The following THOC1 variants were observed in gnomAD, a reference collection of about 807,000 sequenced individuals.
THOC1 encodes the protein THO complex subunit 1.
A neutral mutation model predicts 97.3 loss-of-function variants in THOC1; 29 were observed. The observed-to-expected ratio is 0.30, with a 90% CI of 0.22 to 0.41. The LOEUF is 0.41. Ranked by LOEUF, THOC1 falls within the 10% of genes least tolerant of loss-of-function variation. The probability of loss-of-function intolerance (pLI) is 1.00; values close to 1 mark genes in which losing one functional copy is unlikely to be tolerated. For missense variants in THOC1, 529 were observed against 761.9 expected (o/e 0.69, Z 3.60); for synonymous variants, 255 against 257.0 (o/e 0.99, Z 0.07).
chr18:262,897 T>C (rs1045705148), intron 4 of THOC1, among the ~76,000 whole-genome samples: 6 of 152,248 alleles, frequency 3.9e-5, no homozygotes, highest in Non-Finnish European at 7.3e-5. Flanking sequence ...AGAAGAATGC[T>C]GATAAACTAA....
intron 12 of THOC1, chr18:225,937 C>T (rs1471767944): frequency 6.6e-6 from 1 of 152,642 alleles, no homozygotes; most frequent in East Asian, 1.9e-4. Context: ...ATACATTATT[C>T]ATTGAATTCT....
At chr18:220,803 T>TTGATCTTCTCTTTTGATTTTG (rs1452761354) in intron 17 of THOC1, among the ~76,000 whole-genome samples, 1 of 152,228 alleles carries the variant, frequency 6.6e-6, no homozygotes, top group Admixed American at 6.5e-5. Flanking sequence ...TTTGTTTTTA[T>TTGATCTTCTCTTTTGATTTTG]TGATCTTCTC....
intron 9 of THOC1, among the ~76,000 whole-genome samples, chr18:248,208 G>A (rs977032198): frequency 1.3e-5 from 2 of 152,200 alleles, no homozygotes; most frequent in Admixed American, 6.5e-5. Context: ...CAGAATTAAA[G>A]ATTATGTTTC....
At position 268,033 on chromosome 18, in the gene THOC1, C is replaced by G. The variant is rs779135223; in HGVS notation, c.-14G>C. On this transcript the variant is annotated 5_prime_UTR_variant, in exon 1 of 21. Transcript: ENST00000261600. ...CGTCGGAGACATCTTCTCGGCTGCG[C>G]GTGCCCGCCACTGCGCTGCGGCGCC... 3.2e-6 allele frequency: 5 copies of G among 1,564,706 alleles called. No homozygotes were observed. Among genetic ancestry groups the G allele is most frequent in the Non-Finnish European group, 4.3e-6 (5 of 1,155,188 alleles).
chr18:261,364 T>C (rs924123646), intron 4 of THOC1, among the ~76,000 whole-genome samples: 1 of 152,188 alleles, frequency 6.6e-6, no homozygotes, highest in Non-Finnish European at 1.5e-5. Flanking sequence ...AGTGCATTAA[T>C]ATACTATGTC....
rs1215933091 is a variant in THOC1 at position 261,473 on chromosome 18, T to C, written c.257-1169A>G. On this transcript the variant is annotated intron_variant, in intron 4 of 20. Coordinates refer to ENST00000261600, the MANE Select transcript of THOC1 (RefSeq NM_005131.3). ...TATTGCCTAGAAGCAGTGGGTGAAA[T>C]AAAACAGCAGATTTCAACTCAATAC... Among the ~76,000 whole-genome samples, 4 of 152,018 alleles carry C rather than the reference T, an allele frequency of 2.6e-5. No homozygotes were observed. In the East Asian group the frequency reaches 7.7e-4, roughly 29 times the overall value.
chr18:249,247 C>A (rs1912197352), intron 9 of THOC1, among the ~76,000 whole-genome samples: 1 of 152,160 alleles, frequency 6.6e-6, no homozygotes, highest in African/African-American at 2.4e-5. Flanking sequence ...AAACTTTTCC[C>A]TAGTAACAAC....
intron 9 of THOC1, among the ~76,000 whole-genome samples, chr18:249,525 T>G (rs565484838): frequency 3.0e-4 from 45 of 151,824 alleles, no homozygotes; most frequent in African/African-American, 7.2e-4. Context: ...ACCCAGGCAT[T>G]GTGGTGCGTG....
At position 224,077 on chromosome 18, in the gene THOC1, C is replaced by G. The variant is rs1911186266; in HGVS notation, c.1304+7G>C. 6.3e-7 allele frequency: 1 copy of G among 1,578,106 alleles called. No individual in the cohort carries two copies. The highest frequency in any genetic ancestry group is 2.3e-5 in the East Asian group (1 of 44,432). On this transcript the variant is annotated splice_region_variant and intron_variant, in intron 16 of 20. Coordinates refer to ENST00000261600, the MANE Select transcript of THOC1 (RefSeq NM_005131.3). ...AGAACATCCCACATGAAGACAAATT[C>G]ACCTACTTTCCCATCAGAATTTTTT...
intron 7 of THOC1, among the ~76,000 whole-genome samples, chr18:255,604 G>A (rs1458404843): frequency 6.6e-6 from 1 of 152,240 alleles, no homozygotes; most frequent in African/African-American, 2.4e-5. Flanking sequence ...AGTGCAAGGT[G>A]AAGCAGCAAC....
intron 11 of THOC1, chr18:245,483 T>G (rs1277676549): frequency 6.6e-6 from 1 of 152,260 alleles, no homozygotes; most frequent in African/African-American, 2.4e-5. Context: ...CAAAGCTGTC[T>G]TTGTTATCCC....
Position 242,636 on chromosome 18 carries a change from C to T in THOC1, c.918+3688G>A, listed in dbSNP as rs1911948238. Among the ~76,000 whole-genome samples, 1 of 152,144 alleles carries T rather than the reference C, an allele frequency of 6.6e-6. No homozygotes were observed. Among genetic ancestry groups the T allele is most frequent in the African/African-American group, 2.4e-5 (1 of 41,412 alleles). ...ACAAGCACTTTTCTAAACCTGCTCA[C>T]CAGTGAAATGATAGGCTAAAGAGTT... is the stretch of plus-strand genomic sequence containing the variant. On this transcript the variant is annotated intron_variant, in intron 11 of 20. Coordinates refer to ENST00000261600, the MANE Select transcript of THOC1 (RefSeq NM_005131.3). This position sits in a 1 kb window ranked among gnomAD's most constrained non-coding sequence, Gnocchi z 4.5.
chr18:253,869 ATT>A (rs1912355108), intron 8 of THOC1, among the ~76,000 whole-genome samples: 1 of 149,818 alleles, frequency 6.7e-6, no homozygotes, highest in Non-Finnish European at 1.5e-5. Context: ...AAGTTTTTAA[ATT>A]TTTGATGACT....
Position 223,514 on chromosome 18 carries a change from T to C in THOC1, c.1305-9A>G, listed in dbSNP as rs188154103. 5.2e-4 allele frequency: 806 copies of C among 1,552,378 alleles called. 3 individuals are homozygous for C. In the African/African-American group the frequency reaches 6.6e-3, roughly 13 times the overall value. The stretch of plus-strand genomic sequence containing the variant: ...GCCTTGTTAACTCCTCACTACAAAA[T>C]AGACACAGAAATAAATACATTTTTT... On this transcript the variant is annotated splice_polypyrimidine_tract_variant and intron_variant, in intron 16 of 20. Coordinates refer to ENST00000261600, the MANE Select transcript of THOC1 (RefSeq NM_005131.3).
chr18:245,722 CT>C (rs1912066508), intron 11 of THOC1: 1 of 152,644 alleles, frequency 6.6e-6, no homozygotes, highest in South Asian at 2.1e-4. Flanking sequence ...CAGGCCCAGG[CT>C]GCAGTTTTGC....
At position 260,471 on chromosome 18, in the gene THOC1, A is replaced by T. The variant is rs1912570017; in HGVS notation, c.257-167T>A. The T allele has an allele frequency of 6.5e-6, 3 of 463,538 alleles. No individual in the cohort carries two copies. In the South Asian group the frequency reaches 1.5e-4, roughly 23 times the overall value. 28.7% of individuals were successfully genotyped at this position (463,538 alleles called of 1,614,324 possible). A position where few individuals can be genotyped will look rare whatever the true frequency, so the allele number is the denominator to read the frequency against. The stretch of plus-strand genomic sequence containing the variant: ...ACCTAAAAGTCCCCAAATAGGACAT[A>T]CTTAAGTAATTTTTGATATGTGCAC... On this transcript the variant is annotated intron_variant, in intron 4 of 20. Transcript: ENST00000261600.
At chr18:224,734 T>C (rs1052595636) in intron 15 of THOC1, among the ~76,000 whole-genome samples, 190 bp downstream of exon 15, 3 of 152,158 alleles carry the variant, frequency 2.0e-5, no homozygotes, top group African/African-American at 7.2e-5. Flanking sequence ...GACAAGAAAT[T>C]TATGAGGTTT....
At chr18:247,421 T>G (rs917614225) in intron 10 of THOC1, among the ~76,000 whole-genome samples, 2 of 152,226 alleles carry the variant, frequency 1.3e-5, no homozygotes, top group Admixed American at 1.3e-4. Context: ...TGTGCCATTA[T>G]AGTGCAAAAA....
chr18:215,198 A>G (rs1343304800), intron 20 of THOC1, among the ~76,000 whole-genome samples: 1 of 152,156 alleles, frequency 6.6e-6, no homozygotes, highest in African/African-American at 2.4e-5. Context: ...GTCGCCTTCA[A>G]ATGTATTTTC....
Sources: allele counts gnomAD v4.1 joint callset (sites outside exome capture counted in the v4.1 genomes callset), GRCh38; gene constraint gnomAD v4.1.1; non-coding constraint Gnocchi (gnomAD v3.1); transcripts MANE v1.5; gene names NCBI Gene and HGNC (gene_info 2026-07-23, HGNC 2026-07-21).